NOS3: variants seen among roughly 807,000 people sequenced by gnomAD.
The protein encoded by NOS3 is NOS type III.
In NOS3, 98 loss-of-function variants were observed where a neutral mutation model predicts 144.9. The ratio of observed to expected loss-of-function variants is 0.68; its 90% CI spans 0.57 to 0.80. The LOEUF is 0.80. Among genes scored for constraint, NOS3 ranks in the 30% least tolerant of loss-of-function variants. The pLI, the probability that NOS3 is intolerant of heterozygous loss-of-function variation, is 0.00. For missense variants in NOS3, 1,465 were observed against 1,656.4 expected (o/e 0.88, Z 2.01); for synonymous variants, 714 against 702.4 (o/e 1.02, Z -0.26).
At position 151,014,410 on chromosome 7, in the gene NOS3, C is replaced by T. The variant is rs1290980021; in HGVS notation, c.*241C>T. 3 of 493,688 alleles carry T rather than the reference C, an allele frequency of 6.1e-6. No homozygotes were observed. Among genetic ancestry groups the T allele is most frequent in the African/African-American group, 5.9e-5 (3 of 51,198 alleles). 30.6% of individuals were successfully genotyped at this position (493,688 alleles called of 1,614,324 possible). On this transcript the variant is annotated 3_prime_UTR_variant, in exon 27 of 27. Transcript: ENST00000297494. ...GAAGGCCCCTCCCAGCAGCGGTACC[C>T]CAGGGCCTACTGCCACCCGCTTCCT... is the stretch of plus-strand genomic sequence containing the variant.
chr7:150,995,394 A>G lies in NOS3; in HGVS notation c.270+80A>G, dbSNP rs1802355324. 4 of 881,406 alleles carry G rather than the reference A, an allele frequency of 4.5e-6. No homozygotes were observed. In the East Asian group the frequency reaches 1.1e-4, roughly 24 times the overall value. 54.6% of individuals were successfully genotyped at this position (881,406 alleles called of 1,614,324 possible). A position where few individuals can be genotyped will look rare whatever the true frequency, so the allele number is the denominator to read the frequency against. ...TGGCCTCAGATGGGGCCGGAGAGGG[A>G]AGCTCAACCCTTCTTTGAATTGGTC... On this transcript the variant is annotated intron_variant, in intron 3 of 26. Transcript: ENST00000297494.
chr7:151,009,974 C>A, intron 20 of NOS3, 141 bp from the exon 21 acceptor site: 1 of 611,920 alleles, frequency 1.6e-6, no homozygotes, highest in South Asian at 2.0e-5. Context: ...GGCCCCCGAA[C>A]AATACACTGA....
chr7:151,011,724 CTA>C, intron 23 of NOS3: 1 of 288,074 alleles, frequency 3.5e-6, no homozygotes. Flanking sequence ...CGGTGTTTCA[CTA>C]TGTTGGCCAG....
chr7:150,997,670 TA>T (rs1207899977), intron 5 of NOS3, among the ~76,000 whole-genome samples: 1 of 152,134 alleles, frequency 6.6e-6, no homozygotes, highest in Non-Finnish European at 1.5e-5. Flanking sequence ...GAACCTCAAC[TA>T]AAATAAAAAC....
chr7:150,999,749 G>A (rs1273370476), intron 9 of NOS3, among the ~76,000 whole-genome samples: 2 of 149,850 alleles, frequency 1.3e-5, no homozygotes, highest in East Asian at 4.0e-4. Context: ...GTTTGTGGGG[G>A]TAGGTGACTG....
In NOS3 at chr7:151,007,026, G is replaced by A. The variant is rs111855806; in HGVS notation, c.1937+21G>A. ...CTCAGGTCAGGGCCTCACCAAGAGG[G>A]GTGCAACGGGTGGGCAAGCTGCCTG... On this transcript the variant is annotated intron_variant, in intron 16 of 26. Coordinates refer to ENST00000297494, the MANE Select transcript of NOS3 (RefSeq NM_000603.5). The A allele has an allele frequency of 1.2e-5, 19 of 1,613,630 alleles. No individual in the cohort carries two copies. The Admixed American group carries it at 1.7e-4, about 14-fold the overall frequency.
At chr7:151,005,999 G>A (rs1019197465) in intron 14 of NOS3, among the ~76,000 whole-genome samples, 3 of 152,202 alleles carry the variant, frequency 2.0e-5, no homozygotes, top group Non-Finnish European at 2.9e-5. Context: ...CCCAACCTGG[G>A]CGACAGAGCA....
intron 15 of NOS3, 24 bp downstream of exon 15, chr7:151,006,518 G>A (rs1303969069): frequency 1.3e-6 from 2 of 1,580,342 alleles, no homozygotes; most frequent in Non-Finnish European, 1.7e-6. Flanking sequence ...GAGTTTGGGG[G>A]AGCTGGGGGA....
In NOS3 at chr7:151,007,830, C is replaced by T. The variant is rs1223218689; in HGVS notation, c.2112+554C>T. On this transcript the variant is annotated intron_variant, in intron 17 of 26. Coordinates refer to ENST00000297494, the MANE Select transcript of NOS3 (RefSeq NM_000603.5). ...AGCCTGGGCTTCCTCAGGGGCAGTG[C>T]TGCCTGTCTGGGGATCATGTCTGCA... 2.0e-5 allele frequency among the ~76,000 whole-genome samples: 3 copies of T among 152,202 alleles called. No homozygotes were observed. The East Asian group carries it at 5.8e-4, about 29-fold the overall frequency.
chr7:150,999,046 C>T lies in NOS3; in HGVS notation c.917C>T (p.Pro306Leu), dbSNP rs1250352424. The change falls in exon 8 of 27, where the codon CCC becomes CTC. Residue 306 changes from proline to leucine, a missense_variant. By Grantham distance (98) the Pro-to-Leu change is moderately conservative (BLOSUM62 -3). This residue lies in a region of NOS3 where 745 missense variants were observed against 853.9 expected (regional missense o/e 0.87). Transcript: ENST00000297494. ...PDDPPELFLL[P>L]PELVLEVPLE... ...GATCCCCCAGAACTCTTCCTTCTGC[C>T]CCCCGAGCTGGTCCTTGAGGTGCCC... 3 of 1,612,494 alleles carry T rather than the reference C, an allele frequency of 1.9e-6. No individual in the cohort carries two copies. In the African/African-American group the frequency reaches 4.0e-5, roughly 22 times the overall value.
At position 150,999,238 on chromosome 7, in the gene NOS3, A is replaced by G. The variant is rs760860424; in HGVS notation, c.1005A>G (p.Ala335=). The change falls in exon 9 of 27, where the codon GCA becomes GCG. Residue 335 remains alanine, a synonymous_variant. Coordinates refer to ENST00000297494, the MANE Select transcript of NOS3 (RefSeq NM_000603.5). Reference sequence around the variant, plus strand: ...GCCTGCGCTGGTACGCCCTCCCGGCAGTGTCCAACATGCTGCTGGAAATTG... The same window carrying G: ...GCCTGCGCTGGTACGCCCTCCCGGCGGTGTCCAACATGCTGCTGGAAATTG... ...ALGLRWYALP[A]VSNMLLEIGG... 6.2e-7 allele frequency: 1 copy of G among 1,612,004 alleles called. No individual in the cohort carries two copies. Among genetic ancestry groups the G allele is most frequent in the Non-Finnish European group, 8.5e-7 (1 of 1,179,666 alleles).
intron 25 of NOS3, 46 bp downstream of exon 25, chr7:151,013,425 A>G: frequency 1.3e-6 from 2 of 1,577,558 alleles, no homozygotes; most frequent in Non-Finnish European, 1.7e-6. Context: ...ATAGGGAGAG[A>G]GGGGAGGACT....
At chr7:151,008,346 C>T (rs1183543789) in intron 17 of NOS3, among the ~76,000 whole-genome samples, 1 of 152,192 alleles carries the variant, frequency 6.6e-6, no homozygotes, top group East Asian at 1.9e-4. Flanking sequence ...GCATTTCAAG[C>T]CTGGGACTGG....
Position 150,995,322 on chromosome 7 carries a change from C to A in NOS3, c.270+8C>A. On this transcript the variant is annotated splice_region_variant and intron_variant, in intron 3 of 26. Coordinates refer to ENST00000297494, the MANE Select transcript of NOS3 (RefSeq NM_000603.5). ...AGCGCCCAGGCGCAGCAGGTAAGGC[C>A]GGCATGCCCTGTCCCCATCGTCTCC... 6.3e-7 allele frequency: 1 copy of A among 1,591,074 alleles called. No homozygotes were observed. Among genetic ancestry groups the A allele is most frequent in the Non-Finnish European group, 8.6e-7 (1 of 1,161,204 alleles).
chr7:150,999,476 GT>G, intron 9 of NOS3, 112 bp downstream of exon 9: 5 of 1,211,362 alleles, frequency 4.1e-6, no homozygotes, highest in Non-Finnish European at 5.7e-6. Context: ...CAGGTCCAGG[GT>G]TGCCTCCTAA....
At chr7:151,008,829 C>A (rs893899044) in intron 17 of NOS3, 101 bp from the exon 18 acceptor site, 100 of 1,352,710 alleles carry the variant, frequency 7.4e-5, no homozygotes, top group Non-Finnish European at 9.7e-5. Context: ...ACTGGGGCTG[C>A]CAACCCCCCA....
intron 5 of NOS3, among the ~76,000 whole-genome samples, chr7:150,997,982 G>A (rs975295554): frequency 2.0e-5 from 3 of 152,134 alleles, no homozygotes; most frequent in African/African-American, 4.8e-5. Context: ...AGAATCACCC[G>A]TCCTTTCTTG....
At chr7:151,013,050 C>A in intron 24 of NOS3, 181 bp from the exon 25 acceptor site, 1 of 651,066 alleles carries the variant, frequency 1.5e-6, no homozygotes, top group Non-Finnish European at 2.5e-6. Flanking sequence ...CTCTGTAAAT[C>A]AGGGCTGTGC....
intron 14 of NOS3, among the ~76,000 whole-genome samples, chr7:151,004,200 G>A (rs1423086536): frequency 1.3e-5 from 2 of 152,198 alleles, no homozygotes. Context: ...AGCTGGGCAT[G>A]GTGGCGCACG....
Sources: allele counts gnomAD v4.1 joint callset (sites outside exome capture counted in the v4.1 genomes callset), GRCh38; gene constraint gnomAD v4.1.1; regional missense constraint gnomAD v4.1.1; transcripts MANE v1.5; gene names NCBI Gene and HGNC (gene_info 2026-07-23, HGNC 2026-07-21).